The following ATP6V0A4 variants were observed in gnomAD, a reference collection of about 807,000 sequenced individuals.
The protein encoded by ATP6V0A4 is ATPase H+ transporting V0 subunit a4.
ATP6V0A4 carries 86 observed loss-of-function variants against 107.3 expected under a neutral mutation model. The observed-to-expected ratio is 0.80, with a 90% confidence interval of 0.67 to 0.96. The LOEUF (loss-of-function observed/expected upper bound fraction) is 0.96, where lower values mean the gene tolerates loss of function less well. Among genes scored for constraint, ATP6V0A4 ranks in the 40% least tolerant of loss-of-function variants. The pLI is 0.00. For synonymous variants in ATP6V0A4, 353 were observed against 381.4 expected, an observed-to-expected ratio of 0.93 and a Z score of 0.87; for missense variants, 908 against 1,045.6, an observed-to-expected ratio of 0.87 and a Z score of 1.81.
intron 1 of ATP6V0A4, among the ~76,000 whole-genome samples, chr7:138,794,449 T>A (rs1808563947): frequency 6.6e-6 from 1 of 152,180 alleles, no homozygotes; most frequent in Non-Finnish European, 1.5e-5. Flanking sequence ...GTTTTCCATC[T>A]TTTAGCCCTG....
At position 138,792,776 on chromosome 7, in the gene ATP6V0A4, T is replaced by TG. The variant is rs1385575360; in HGVS notation, c.-121+5257_-121+5258insC. The stretch of plus-strand genomic sequence containing the variant: ...ACCAAACTCAGGTTTGTTTTTTTTT[T>TG]TGTTGTTTTGTTTTTTTTTTTGTAG... On this transcript the variant is annotated intron_variant, in intron 1 of 21. Coordinates refer to ENST00000310018, the MANE Select transcript of ATP6V0A4 (RefSeq NM_020632.3). 2.1e-3 allele frequency among the ~76,000 whole-genome samples: 73 copies of TG among 34,578 alleles called. 1 individual carries two copies. The highest frequency in any genetic ancestry group is 8.2e-3 in the African/African-American group (69 of 8,412). 22.7% of individuals were successfully genotyped at this position (34,578 alleles called of 152,430 possible).
chr7:138,709,610 A>G lies in ATP6V0A4; in HGVS notation c.2429+14T>C, dbSNP rs751557003. ...CAACACCACATTGAGCTTCCAGGGG[A>G]CAACCATCCTTACCAGTGCAGTCGC... On this transcript the variant is annotated intron_variant, in intron 21 of 21. Transcript: ENST00000310018. 1 of 1,611,206 alleles carries G rather than the reference A, an allele frequency of 6.2e-7. No homozygotes were observed. Among genetic ancestry groups the G allele is most frequent in the Non-Finnish European group, 8.5e-7 (1 of 1,178,182 alleles).
At chr7:138,761,782 C>T (rs949743069) in intron 7 of ATP6V0A4, among the ~76,000 whole-genome samples, 2 of 152,090 alleles carry the variant, frequency 1.3e-5, no homozygotes, top group Admixed American at 6.5e-5. Context: ...AGGGTTCAAG[C>T]GATTCTCCTG....
chr7:138,722,127 C>T lies in ATP6V0A4; in HGVS notation c.2011-102G>A, dbSNP rs1804453599. ...CTCTCCTCAAATACTACCTATGTAC[C>T]AGACACTGTTCTAAACACTACACTA... On this transcript the variant is annotated intron_variant, in intron 18 of 21. Coordinates refer to ENST00000310018, the MANE Select transcript of ATP6V0A4 (RefSeq NM_020632.3). 7 of 1,539,248 alleles carry T rather than the reference C, an allele frequency of 4.5e-6. No homozygotes were observed. In the South Asian group the frequency reaches 8.3e-5, roughly 18 times the overall value.
chr7:138,717,833 G>A (rs572545556), intron 19 of ATP6V0A4, among the ~76,000 whole-genome samples: 19 of 149,000 alleles, frequency 1.3e-4, no homozygotes, highest in African/African-American at 4.2e-4. Context: ...GCTTGAACCC[G>A]GGAGGCGGAG....
At chr7:138,721,733 T>C (rs563233022) in intron 19 of ATP6V0A4, among the ~76,000 whole-genome samples, 164 bp downstream of exon 19, 1 of 152,180 alleles carries the variant, frequency 6.6e-6, no homozygotes, top group Non-Finnish European at 1.5e-5. Flanking sequence ...TTAGACTAGC[T>C]AGTAGGTCCC....
chr7:138,763,211 ACG>A (rs1466024512), intron 5 of ATP6V0A4, 186 bp from the exon 6 acceptor site: 3 of 326,938 alleles, frequency 9.2e-6, no homozygotes, highest in Non-Finnish European at 1.3e-5. Context: ...ACACACACAC[ACG>A]TGCATGCTCT....
At chr7:138,741,929 T>A (rs1805652441) in intron 14 of ATP6V0A4, among the ~76,000 whole-genome samples, 1 of 152,196 alleles carries the variant, frequency 6.6e-6, no homozygotes, top group African/African-American at 2.4e-5. Context: ...CCTTCACATA[T>A]GGCTGAGCAT....
intron 18 of ATP6V0A4, among the ~76,000 whole-genome samples, chr7:138,722,744 CAAAA>C (rs71169049): frequency 3.0e-5 from 1 of 33,466 alleles, no homozygotes; most frequent in Non-Finnish European, 5.0e-5. Flanking sequence ...GACTCCATCT[CAAAA>C]AAAAAAAAAA....
intron 19 of ATP6V0A4, among the ~76,000 whole-genome samples, chr7:138,717,272 A>C (rs1015991430): frequency 1.3e-5 from 2 of 152,194 alleles, no homozygotes; most frequent in African/African-American, 4.8e-5. Flanking sequence ...AAGATCAAGG[A>C]AAGAGGAGAT....
At chr7:138,766,881 G>A (rs1807119184) in intron 5 of ATP6V0A4, among the ~76,000 whole-genome samples, 1 of 152,156 alleles carries the variant, frequency 6.6e-6, no homozygotes, top group Non-Finnish European at 1.5e-5. Context: ...TAATATCAAA[G>A]AAGAATATCC....
At chr7:138,791,078 A>T (rs1252761604) in intron 1 of ATP6V0A4, among the ~76,000 whole-genome samples, 1 of 152,198 alleles carries the variant, frequency 6.6e-6, no homozygotes, top group Non-Finnish European at 1.5e-5. Context: ...TCAGACACGG[A>T]TTTTAAAGGA....
At position 138,769,125 on chromosome 7, in the gene ATP6V0A4, C is replaced by A. The variant is rs1156411397; in HGVS notation, c.196+48G>T. ...GTCCTGCAAACTATTAACCCCCTTGCCAGTTCACATTTGAACAGTAAGAAA... is the reference window on the plus strand; with the variant it reads ...GTCCTGCAAACTATTAACCCCCTTGACAGTTCACATTTGAACAGTAAGAAA... On this transcript the variant is annotated intron_variant, in intron 4 of 21. Coordinates refer to ENST00000310018, the MANE Select transcript of ATP6V0A4 (RefSeq NM_020632.3). 3.8e-6 allele frequency: 6 copies of A among 1,592,298 alleles called. No homozygotes were observed. In the African/African-American group the frequency reaches 8.5e-5, roughly 23 times the overall value.
At chr7:138,730,831 A>G (rs1375897704) in intron 17 of ATP6V0A4, among the ~76,000 whole-genome samples, 1 of 152,184 alleles carries the variant, frequency 6.6e-6, no homozygotes, top group Non-Finnish European at 1.5e-5. Flanking sequence ...CATCTGTGAT[A>G]ACAAAATGGT....
intron 15 of ATP6V0A4, 101 bp from the exon 16 acceptor site, chr7:138,734,355 G>C: frequency 6.4e-7 from 1 of 1,563,540 alleles, no homozygotes; most frequent in Non-Finnish European, 8.7e-7. Context: ...AACCGCTCTG[G>C]GAACTGCACT....
intron 17 of ATP6V0A4, among the ~76,000 whole-genome samples, chr7:138,729,264 T>G (rs1006187394): frequency 6.6e-6 from 1 of 152,166 alleles, no homozygotes; most frequent in African/African-American, 2.4e-5. Flanking sequence ...TACCAGTCAC[T>G]CGGTGGTACT....
Position 138,706,328 on chromosome 7 carries a change from T to G in ATP6V0A4, c.*296A>C. On this transcript the variant is annotated 3_prime_UTR_variant, in exon 22 of 22. Transcript: ENST00000310018. ...CAGATGTTTATTTTCTCAAATACAA[T>G]ATTTAAAATATTGCAAGAAGACATC... 2.6e-6 allele frequency: 1 copy of G among 386,882 alleles called. No homozygotes were observed. The highest frequency in any genetic ancestry group is 4.9e-6 in the Non-Finnish European group (1 of 204,726). The allele number at this position is 386,882 out of a possible 1,614,324, so 24.0% of individuals were successfully genotyped here. A position where few individuals can be genotyped will look rare whatever the true frequency, so the allele number is the denominator to read the frequency against.
At chr7:138,776,240 G>A (rs543291980) in intron 2 of ATP6V0A4, among the ~76,000 whole-genome samples, 24 of 152,312 alleles carry the variant, frequency 1.6e-4, no homozygotes, top group Middle Eastern at 6.8e-3. Context: ...AGCTGTAGGC[G>A]GTTTGGGAAA....
intron 18 of ATP6V0A4, among the ~76,000 whole-genome samples, 192 bp downstream of exon 18, chr7:138,728,569 C>T (rs924151182): frequency 6.6e-6 from 1 of 152,066 alleles, no homozygotes; most frequent in African/African-American, 2.4e-5. Flanking sequence ...TAGAGCATCT[C>T]GTTGGAAATA....
Sources: gnomAD v4.1 joint callset for allele counts (sites outside exome capture counted in the v4.1 genomes callset) on GRCh38, gnomAD v4.1.1 for gene constraint, MANE v1.5 for transcripts, NCBI Gene and HGNC (gene_info 2026-07-23, HGNC 2026-07-21) for gene names.